Variants in ADGRB3 observed in about 807,000 individuals in gnomAD.
The protein encoded by ADGRB3 is adhesion G protein-coupled receptor B3, also known as brain-specific angiogenesis inhibitor 3.
Under a neutral mutation model 193.4 loss-of-function variants are expected in ADGRB3, and 37 were observed. The ratio of observed to expected loss-of-function variants is 0.19; its 90% CI spans 0.15 to 0.25. ADGRB3 has a LOEUF of 0.25. Among genes scored for constraint, ADGRB3 ranks in the 10% least tolerant of loss-of-function variants. ADGRB3 has a pLI of 1.00. For missense variants in ADGRB3, 1,637 were observed against 1,852.9 expected, an observed-to-expected ratio of 0.88 and a Z score of 2.14; for synonymous variants, 690 against 644.2, an observed-to-expected ratio of 1.07 and a Z score of -1.08.
At chr6:68,864,845 G>T (rs979860273) in intron 3 of ADGRB3, among the ~76,000 whole-genome samples, 4 of 151,872 alleles carry the variant, frequency 2.6e-5, no homozygotes, top group Non-Finnish European at 4.4e-5. Context: ...TTGTCTCTAG[G>T]TTATTAATTT....
At chr6:68,695,937 C>G (rs539437088) in intron 3 of ADGRB3, among the ~76,000 whole-genome samples, 3 of 152,088 alleles carry the variant, frequency 2.0e-5, no homozygotes, top group Non-Finnish European at 4.4e-5. Flanking sequence ...TTGGCTTCCC[C>G]CATTTGCATA....
At chr6:68,991,227 A>G (rs1257711809) in intron 10 of ADGRB3, among the ~76,000 whole-genome samples, 1 of 152,164 alleles carries the variant, frequency 6.6e-6, no homozygotes, top group South Asian at 2.1e-4. Context: ...CAACCTAAGC[A>G]TAGATGGAAG....
At chr6:68,685,907 C>T (rs1764975417) in intron 3 of ADGRB3, among the ~76,000 whole-genome samples, 1 of 151,932 alleles carries the variant, frequency 6.6e-6, no homozygotes, top group Non-Finnish European at 1.5e-5. Flanking sequence ...TATATATATA[C>T]TTTATTTCTC....
chr6:68,772,891 AAAAATATATATATATATATATATATATAT>A (rs1766658369), intron 3 of ADGRB3, among the ~76,000 whole-genome samples: 2 of 35,880 alleles, frequency 5.6e-5, no homozygotes, highest in South Asian at 1.4e-3. Flanking sequence ...ACAAAAAAAA[AAAAATATATATATATATATATATATATAT>A]ATATATATAT....
intron 3 of ADGRB3, among the ~76,000 whole-genome samples, chr6:68,854,161 A>G (rs16900274): frequency 0.015 from 2,333 of 152,200 alleles, 57 homozygotes; most frequent in African/African-American, 0.053. Context: ...CTCTTTCTAA[A>G]GCATTTGTCA....
At chr6:68,738,084 G>A (rs1765906472) in intron 3 of ADGRB3, among the ~76,000 whole-genome samples, 1 of 152,206 alleles carries the variant, frequency 6.6e-6, no homozygotes, top group African/African-American at 2.4e-5. Flanking sequence ...AGATCTGAAA[G>A]GGAATAAGGA....
intron 3 of ADGRB3, among the ~76,000 whole-genome samples, chr6:68,879,529 A>T (rs1340101027): frequency 6.6e-6 from 1 of 151,868 alleles, no homozygotes; most frequent in Non-Finnish European, 1.5e-5. Context: ...CGCCTGGCCT[A>T]CTTTTTGTTG....
At chr6:69,055,441 T>C (rs1174105091) in intron 15 of ADGRB3, among the ~76,000 whole-genome samples, 1 of 152,238 alleles carries the variant, frequency 6.6e-6, no homozygotes, top group Non-Finnish European at 1.5e-5. Flanking sequence ...TGGGTTCATT[T>C]GTCTTGTAGC....
chr6:68,949,315 G>A (rs1767854628), intron 6 of ADGRB3, among the ~76,000 whole-genome samples: 1 of 152,126 alleles, frequency 6.6e-6, no homozygotes, highest in Non-Finnish European at 1.5e-5. Context: ...TTTGAGAAAT[G>A]CTTTCCTGGG....
At chr6:69,029,753 T>A (rs1009191122) in intron 13 of ADGRB3, among the ~76,000 whole-genome samples, 1 of 152,070 alleles carries the variant, frequency 6.6e-6, no homozygotes, top group Non-Finnish European at 1.5e-5. Flanking sequence ...GTGAAAGCTG[T>A]CCTCAAATAG....
intron 28 of ADGRB3, 117 bp from the exon 29 acceptor site, chr6:69,360,752 C>A: frequency 9.4e-7 from 1 of 1,064,154 alleles, no homozygotes; most frequent in Non-Finnish European, 1.3e-6. Flanking sequence ...TTTTAAATAA[C>A]ATACCTACCA....
At chr6:69,174,211 G>A (rs1227030565) in intron 17 of ADGRB3, among the ~76,000 whole-genome samples, 1 of 152,148 alleles carries the variant, frequency 6.6e-6, no homozygotes, top group African/African-American at 2.4e-5. Context: ...CAGGTACTAA[G>A]CATAGTACTC....
At chr6:69,331,970 CT>C in intron 23 of ADGRB3, 2 of 985,268 alleles carry the variant, frequency 2.0e-6, no homozygotes, top group Non-Finnish European at 2.4e-6. Context: ...TGTTTTGCAT[CT>C]TCCTTACGTT....
chr6:69,009,561 G>A (rs562270287), intron 11 of ADGRB3, among the ~76,000 whole-genome samples: 2 of 152,250 alleles, frequency 1.3e-5, no homozygotes, highest in African/African-American at 4.8e-5. Context: ...GAAGTGGCTG[G>A]ATCACATATG....
At chr6:69,112,111 CT>C (rs1221799169) in intron 17 of ADGRB3, among the ~76,000 whole-genome samples, 2 of 152,164 alleles carry the variant, frequency 1.3e-5, no homozygotes, top group Admixed American at 1.3e-4. Flanking sequence ...TTTCTTCTCA[CT>C]TTACAGTCCA....
intron 3 of ADGRB3, among the ~76,000 whole-genome samples, chr6:68,880,359 C>CTATA (rs1169648776): frequency 6.6e-6 from 1 of 152,192 alleles, no homozygotes; most frequent in Non-Finnish European, 1.5e-5. Flanking sequence ...TCCTATACAA[C>CTATA]TATATGCTAC....
chr6:69,150,626 G>C lies in ADGRB3; in HGVS notation c.2480+74588G>C, dbSNP rs137973839. Among the ~76,000 whole-genome samples, 27 of 152,322 alleles carry C rather than the reference G, an allele frequency of 1.8e-4. No homozygotes were observed. The East Asian group carries it at 4.8e-3, about 27-fold the overall frequency. The stretch of plus-strand genomic sequence containing the variant: ...CAATTGTGGCTGAGATGGTAGCTAA[G>C]CTGCAAGACACATTTCCCTTCACTT... On this transcript the variant is annotated intron_variant, in intron 17 of 31. Coordinates refer to ENST00000370598, the MANE Select transcript of ADGRB3 (RefSeq NM_001704.3).
chr6:68,781,817 C>G (rs1370018263), intron 3 of ADGRB3, among the ~76,000 whole-genome samples: 1 of 151,968 alleles, frequency 6.6e-6, no homozygotes, highest in Non-Finnish European at 1.5e-5. Flanking sequence ...GCCTCCCACT[C>G]ACCCAACCTA....
intron 17 of ADGRB3, among the ~76,000 whole-genome samples, chr6:69,198,695 CAG>C (rs779518292): frequency 2.0e-5 from 3 of 151,972 alleles, no homozygotes; most frequent in Non-Finnish European, 4.4e-5. Context: ...GAGTGAGTAA[CAG>C]GGGCCAAATC....
Sources: allele counts gnomAD v4.1 joint callset (sites outside exome capture counted in the v4.1 genomes callset), GRCh38; gene constraint gnomAD v4.1.1; transcripts MANE v1.5; gene names NCBI Gene and HGNC (gene_info 2026-07-23, HGNC 2026-07-21).